The following GRK5 variants were observed in gnomAD, a reference collection of about 807,000 sequenced individuals.
GRK5 encodes the protein g protein-coupled receptor kinase GRK5.
Under a neutral mutation model 78.4 loss-of-function variants are expected in GRK5, and 40 were observed. The ratio of observed to expected loss-of-function variants is 0.51; its 90% CI spans 0.40 to 0.66. GRK5 has a LOEUF of 0.66. GRK5 is among the 30% of genes least tolerant of loss of function. The pLI is 0.00. For synonymous variants in GRK5, 289 were observed against 296.8 expected (o/e 0.97, Z 0.27); for missense variants, 598 against 759.9 (o/e 0.79, Z 2.50).
intron 1 of GRK5, among the ~76,000 whole-genome samples, chr10:119,261,202 G>A (rs1305244946): frequency 6.7e-6 from 1 of 148,972 alleles, no homozygotes; most frequent in African/African-American, 2.5e-5. Flanking sequence ...CCGGGCGGAG[G>A]GTCTCCTCAC....
intron 9 of GRK5, 43 bp downstream of exon 9, chr10:119,436,884 G>T (rs1414539849): frequency 1.3e-6 from 2 of 1,539,600 alleles, no homozygotes; most frequent in Non-Finnish European, 8.8e-7. Flanking sequence ...AAGTCCGAGG[G>T]GGTGGGGCCA....
In GRK5 at chr10:119,425,293, AC is replaced by A. The variant is rs760398342; in HGVS notation, c.533+209del. Reference sequence around the variant, plus strand: ...TACACACACACACACACACACACACACACAAACACACATTCACGCAAATGTA... The same window carrying A: ...TACACACACACACACACACACACACAACAAACACACATTCACGCAAATGTA... On this transcript the variant is annotated intron_variant, in intron 6 of 15. Transcript: ENST00000392870. Among the ~76,000 whole-genome samples, 212 of 140,186 alleles carry A rather than the reference AC, an allele frequency of 1.5e-3. 1 individual carries two copies. Among genetic ancestry groups the A allele is most frequent in the East Asian group, 8.3e-3 (42 of 5,042 alleles). The allele number at this position is 140,186 out of a possible 152,430, so 92.0% of individuals were successfully genotyped here.
At chr10:119,242,207 A>G (rs1271528224) in intron 1 of GRK5, among the ~76,000 whole-genome samples, 5 of 152,098 alleles carry the variant, frequency 3.3e-5, no homozygotes, top group Non-Finnish European at 5.9e-5. Context: ...CCCCTTTATT[A>G]ATAACTTACA....
intron 2 of GRK5, among the ~76,000 whole-genome samples, chr10:119,375,033 C>T (rs915612479): frequency 1.3e-5 from 2 of 152,212 alleles, no homozygotes; most frequent in East Asian, 1.9e-4. Context: ...GCCTAATACA[C>T]TTGCTGGCCA....
At chr10:119,274,702 T>G (rs1849639031) in intron 1 of GRK5, among the ~76,000 whole-genome samples, 1 of 152,194 alleles carries the variant, frequency 6.6e-6, no homozygotes, top group Non-Finnish European at 1.5e-5. Flanking sequence ...TTTTGCCTGT[T>G]GAATGAAGTT....
At chr10:119,396,807 C>T in intron 4 of GRK5, 35 bp downstream of exon 4, 1 of 1,525,342 alleles carries the variant, frequency 6.6e-7, no homozygotes, top group Non-Finnish European at 9.1e-7. Context: ...GCAGGTGGCA[C>T]AGGAGGCCTT....
chr10:119,213,813 T>G (rs563617539), intron 1 of GRK5, among the ~76,000 whole-genome samples: 1 of 152,310 alleles, frequency 6.6e-6, no homozygotes, highest in Non-Finnish European at 1.5e-5. Flanking sequence ...TTGAATAGGC[T>G]TCTGAAAATC....
chr10:119,392,655 C>T (rs1298070964), intron 3 of GRK5, among the ~76,000 whole-genome samples: 3 of 152,142 alleles, frequency 2.0e-5, no homozygotes, highest in Middle Eastern at 3.2e-3. Context: ...CCGCCCGCCT[C>T]GGCCTCCCAA....
intron 6 of GRK5, among the ~76,000 whole-genome samples, chr10:119,427,416 C>T (rs1271643070): frequency 2.0e-5 from 3 of 151,954 alleles, no homozygotes; most frequent in African/African-American, 4.8e-5. Context: ...AACAGCGTCA[C>T]CACCATCAGC....
chr10:119,306,428 G>C (rs1563287), intron 1 of GRK5, among the ~76,000 whole-genome samples: 116,895 of 152,068 alleles, frequency 0.77, 47,048 homozygotes, highest in East Asian at 0.92. Context: ...CTGAAACTTG[G>C]TCAGGGGCTC....
chr10:119,358,402 G>C (rs1851300526), intron 2 of GRK5, among the ~76,000 whole-genome samples: 2 of 152,138 alleles, frequency 1.3e-5, no homozygotes, highest in Non-Finnish European at 2.9e-5. Flanking sequence ...GATGCTGAGT[G>C]GTGGTGCCAG....
chr10:119,331,684 G>A (rs1054945723), intron 2 of GRK5, among the ~76,000 whole-genome samples: 2 of 152,216 alleles, frequency 1.3e-5, no homozygotes, highest in Admixed American at 6.5e-5. Flanking sequence ...CCAGGATGCC[G>A]CCATGTCTGG....
chr10:119,275,613 G>GCGCACACACACA lies in GRK5; in HGVS notation c.53-50902_53-50901insGCACACACACAC, dbSNP rs1195537574. 7.7e-3 allele frequency among the ~76,000 whole-genome samples: 926 copies of GCGCACACACACA among 120,734 alleles called. 15 individuals are homozygous for GCGCACACACACA. The highest frequency in any genetic ancestry group is 0.034 in the Admixed American group (395 of 11,642). 79.2% of individuals were successfully genotyped at this position (120,734 alleles called of 152,430 possible). ...CTCTCTCTCTCTCTCTCTCTCTCTC[G>GCGCACACACACA]CACACACACACACACACACACACAC... On this transcript the variant is annotated intron_variant, in intron 1 of 15. Transcript: ENST00000392870.
intron 1 of GRK5, among the ~76,000 whole-genome samples, chr10:119,261,231 G>A (rs1256093460): frequency 6.7e-6 from 1 of 148,774 alleles, no homozygotes; most frequent in African/African-American, 2.5e-5. Context: ...CGGGGCGGCC[G>A]GGCAGAGACA....
chr10:119,432,078 A>ACAGCTGCCCCATCTGGAGC (rs1852831918), intron 8 of GRK5, among the ~76,000 whole-genome samples: 1 of 152,148 alleles, frequency 6.6e-6, no homozygotes, highest in South Asian at 2.1e-4. Flanking sequence ...CCTCCATCTA[A>ACAGCTGCCCCATCTGGAGC]CAGCTGCCCC....
At chr10:119,245,813 T>C (rs912109599) in intron 1 of GRK5, among the ~76,000 whole-genome samples, 2 of 151,740 alleles carry the variant, frequency 1.3e-5, no homozygotes, top group Admixed American at 6.6e-5. Context: ...GTCAGGAGAT[T>C]GAGACCATCC....
chr10:119,364,046 G>A (rs1364313445), intron 2 of GRK5, among the ~76,000 whole-genome samples: 2 of 152,226 alleles, frequency 1.3e-5, no homozygotes, highest in African/African-American at 4.8e-5. Context: ...TCCGGAGCTA[G>A]ACCAAGATCC....
At chr10:119,250,170 TGA>T (rs1310086546) in intron 1 of GRK5, among the ~76,000 whole-genome samples, 1 of 152,128 alleles carries the variant, frequency 6.6e-6, no homozygotes, top group Non-Finnish European at 1.5e-5. Flanking sequence ...GTTTGTTGAG[TGA>T]GAGTCTCTTC....
At chr10:119,320,708 G>C (rs1850569597) in intron 1 of GRK5, among the ~76,000 whole-genome samples, 1 of 152,268 alleles carries the variant, frequency 6.6e-6, no homozygotes, top group Non-Finnish European at 1.5e-5. Flanking sequence ...AGCAGAGGCA[G>C]GGAGGGAAAT....
Sources: gnomAD v4.1 joint callset for allele counts (sites outside exome capture counted in the v4.1 genomes callset) on GRCh38, gnomAD v4.1.1 for gene constraint, MANE v1.5 for transcripts, NCBI Gene and HGNC (gene_info 2026-07-23, HGNC 2026-07-21) for gene names.